NMNAT2: variants seen among roughly 807,000 people sequenced by gnomAD.
NMNAT2 encodes nicotinamide/nicotinic acid mononucleotide adenylyltransferase 2.
A neutral mutation model predicts 41.6 loss-of-function variants in NMNAT2; 11 were observed. The ratio of observed to expected loss-of-function variants is 0.26; its 90% confidence interval spans 0.17 to 0.44. NMNAT2 has a LOEUF of 0.44. Among genes scored for constraint, NMNAT2 ranks in the 20% least tolerant of loss-of-function variants. The pLI, the probability that NMNAT2 is intolerant of heterozygous loss-of-function variation, is 1.00. For missense variants in NMNAT2, 288 were observed against 407.7 expected (o/e 0.71, Z 2.53); for synonymous variants, 148 against 151.2 (o/e 0.98, Z 0.16).
At chr1:183,335,227 T>G (rs146010447) in intron 1 of NMNAT2, among the ~76,000 whole-genome samples, 3 of 152,332 alleles carry the variant, frequency 2.0e-5, no homozygotes, top group African/African-American at 7.2e-5. Context: ...TTAGATCCCG[T>G]CTCTGTTAAC....
intron 1 of NMNAT2, among the ~76,000 whole-genome samples, chr1:183,345,987 A>T (rs181364154): frequency 1.3e-3 from 201 of 152,286 alleles, no homozygotes; most frequent in African/African-American, 4.7e-3. Context: ...AGCCAGGCTA[A>T]CATCCTTTTC....
intron 1 of NMNAT2, among the ~76,000 whole-genome samples, chr1:183,323,398 G>A (rs1032798918): frequency 2.0e-5 from 3 of 152,132 alleles, no homozygotes; most frequent in African/African-American, 7.2e-5. Flanking sequence ...GGCAGCCTCT[G>A]AAGTTGCTAG....
chr1:183,381,483 G>A (rs557256969), intron 1 of NMNAT2, among the ~76,000 whole-genome samples: 1 of 152,162 alleles, frequency 6.6e-6, no homozygotes, highest in Non-Finnish European at 1.5e-5. Flanking sequence ...ATAACTTGAG[G>A]TCAGGAGTTC....
intron 1 of NMNAT2, among the ~76,000 whole-genome samples, chr1:183,407,416 T>C (rs1284833508): frequency 6.6e-6 from 1 of 152,242 alleles, no homozygotes; most frequent in East Asian, 1.9e-4. Flanking sequence ...AATCTCTGTT[T>C]TCCTGTATTT....
intron 1 of NMNAT2, among the ~76,000 whole-genome samples, chr1:183,296,726 C>A (rs1339823275): frequency 2.0e-5 from 3 of 152,068 alleles, no homozygotes; most frequent in Non-Finnish European, 4.4e-5. Context: ...GTTAGCCAGG[C>A]TGGTCTTGAA....
chr1:183,292,859 T>C lies in NMNAT2; in HGVS notation c.175-2A>G. On this transcript the variant is annotated splice_acceptor_variant, in intron 2 of 10. Coordinates refer to ENST00000287713, the MANE Select transcript of NMNAT2 (RefSeq NM_015039.4). LOFTEE classifies it high-confidence loss of function. ...ACGGTGCCGGCTTGACACGAGGCCCTGGGAAGCAACAGAGCAATCATTGGG... is the reference window on the plus strand; with the variant it reads ...ACGGTGCCGGCTTGACACGAGGCCCCGGGAAGCAACAGAGCAATCATTGGG... 1 of 1,613,930 alleles carries C rather than the reference T, an allele frequency of 6.2e-7. No individual in the cohort carries two copies. Among genetic ancestry groups the C allele is most frequent in the Non-Finnish European group, 8.5e-7 (1 of 1,179,920 alleles).
intron 8 of NMNAT2, among the ~76,000 whole-genome samples, chr1:183,263,590 G>A (rs778101876): frequency 3.3e-5 from 5 of 152,270 alleles, no homozygotes; most frequent in Admixed American, 6.5e-5. Context: ...AGGCCAAGGC[G>A]GGTGGATCAC....
intron 1 of NMNAT2, among the ~76,000 whole-genome samples, chr1:183,337,587 A>G (rs1662703547): frequency 6.6e-6 from 1 of 151,712 alleles, no homozygotes; most frequent in African/African-American, 2.4e-5. Flanking sequence ...AAAAAAAAAA[A>G]AATACCATAC....
chr1:183,351,280 C>T (rs559445167), intron 1 of NMNAT2, among the ~76,000 whole-genome samples: 11 of 152,296 alleles, frequency 7.2e-5, no homozygotes, highest in African/African-American at 2.4e-4. Flanking sequence ...GCAGGCTGTT[C>T]CCTTGATGCT....
intron 10 of NMNAT2, among the ~76,000 whole-genome samples, chr1:183,258,114 C>T (rs1660565587): frequency 2.0e-5 from 3 of 152,146 alleles, no homozygotes; most frequent in Admixed American, 2.0e-4. Context: ...TACAGGAGCC[C>T]ATGGAGGAGA....
chr1:183,259,021 T>C (rs1660592217), intron 10 of NMNAT2, among the ~76,000 whole-genome samples: 1 of 152,210 alleles, frequency 6.6e-6, no homozygotes, highest in African/African-American at 2.4e-5. Context: ...CCTGTCTTGA[T>C]GAATCTGCTC....
chr1:183,365,634 T>G (rs1200272666), intron 1 of NMNAT2, among the ~76,000 whole-genome samples: 2 of 151,878 alleles, frequency 1.3e-5, no homozygotes, highest in Non-Finnish European at 2.9e-5. Context: ...GGCGTGCACC[T>G]AGCTGAGGCA....
At chr1:183,278,882 G>A (rs1050219066) in intron 7 of NMNAT2, among the ~76,000 whole-genome samples, 5 of 152,144 alleles carry the variant, frequency 3.3e-5, no homozygotes, top group Non-Finnish European at 5.9e-5. Flanking sequence ...AGAGCATAGC[G>A]GGTGATCGAC....
intron 8 of NMNAT2, 136 bp from the exon 9 acceptor site, chr1:183,261,439 T>C (rs1660655123): frequency 2.8e-6 from 2 of 713,400 alleles, no homozygotes; most frequent in Non-Finnish European, 4.9e-6. Flanking sequence ...GGCCTTCTTC[T>C]CAGCCCCATC....
chr1:183,259,127 G>A (rs1558107466), intron 10 of NMNAT2, among the ~76,000 whole-genome samples: 1 of 152,152 alleles, frequency 6.6e-6, no homozygotes. Context: ...TTTTGAAAAA[G>A]TGTGTATACC....
In NMNAT2 at chr1:183,336,678, C is replaced by T. The variant is rs113148297; in HGVS notation, c.86-42885G>A. ...AGTTCTTTACAAAGTTAAACAAACA[C>T]CAGATGATTCAGCAATTCTATTCCT... On this transcript the variant is annotated intron_variant, in intron 1 of 10. Transcript: ENST00000287713. 1.3e-3 allele frequency among the ~76,000 whole-genome samples: 195 copies of T among 152,276 alleles called. 2 individuals are homozygous for T. Among genetic ancestry groups the T allele is most frequent in the African/African-American group, 4.1e-3 (172 of 41,562 alleles).
intron 1 of NMNAT2, among the ~76,000 whole-genome samples, chr1:183,314,312 T>C (rs996407239): frequency 1.3e-5 from 2 of 152,204 alleles, no homozygotes; most frequent in Admixed American, 6.5e-5. Context: ...TGCTCTTCCC[T>C]ACCTTGGTAA....
intron 1 of NMNAT2, among the ~76,000 whole-genome samples, chr1:183,401,896 C>T (rs987011586): frequency 5.9e-5 from 8 of 135,022 alleles, no homozygotes; most frequent in African/African-American, 2.3e-4. Flanking sequence ...TGGGGAACAT[C>T]ACACATGACA....
At chr1:183,356,568 C>G (rs1663192409) in intron 1 of NMNAT2, among the ~76,000 whole-genome samples, 1 of 152,226 alleles carries the variant, frequency 6.6e-6, no homozygotes, top group Non-Finnish European at 1.5e-5. Context: ...TGTGCTTGGA[C>G]CTGACTTCCA....
Sources: gnomAD v4.1 joint callset for allele counts (sites outside exome capture counted in the v4.1 genomes callset) on GRCh38, gnomAD v4.1.1 for gene constraint, MANE v1.5 for transcripts, NCBI Gene and HGNC (gene_info 2026-07-23, HGNC 2026-07-21) for gene names.